Variants in MACROD2 observed in about 807,000 individuals in gnomAD.
The protein encoded by MACROD2 is mono-ADP ribosylhydrolase 2, also known as ADP-ribose glycohydrolase MACROD2.
Under a neutral mutation model 70.4 loss-of-function variants are expected in MACROD2, and 36 were observed. The observed-to-expected ratio is 0.51, with a 90% CI of 0.39 to 0.68. The LOEUF is 0.68. MACROD2 is among the 30% of genes least tolerant of loss of function. MACROD2 has a pLI of 0.00. For synonymous variants in MACROD2, 172 were observed against 178.8 expected, an observed-to-expected ratio of 0.96 and a Z score of 0.30; for missense variants, 496 against 538.4, an observed-to-expected ratio of 0.92 and a Z score of 0.78.
chr20:14,844,359 C>CA (rs1053754534), intron 5 of MACROD2, among the ~76,000 whole-genome samples: 5 of 151,174 alleles, frequency 3.3e-5, no homozygotes, highest in East Asian at 2.0e-4. Context: ...ACTAAAAGTA[C>CA]AAAAAAAATT....
rs527672148 is a variant in MACROD2, at chr20:15,321,663, G to A, written c.540+91602G>A. Reference sequence around the variant, plus strand: ...GATTCTATTAGTTATAGATTGGAAAGTGTTTGTCATATACATTAATTTTTG... The same window carrying A: ...GATTCTATTAGTTATAGATTGGAAAATGTTTGTCATATACATTAATTTTTG... On this transcript the variant is annotated intron_variant, in intron 6 of 17. Transcript: ENST00000684519. Among the ~76,000 whole-genome samples, 10 of 144,920 alleles carry A rather than the reference G, an allele frequency of 6.9e-5. 1 individual carries two copies. The highest frequency in any genetic ancestry group is 2.2e-4 in the African/African-American group (9 of 40,642).
chr20:15,617,973 G>T (rs1294117570), intron 8 of MACROD2, among the ~76,000 whole-genome samples: 2 of 152,136 alleles, frequency 1.3e-5, no homozygotes, highest in African/African-American at 4.8e-5. Context: ...GAACATGTGG[G>T]TGTAGAAGGG....
chr20:14,504,809 C>T (rs1048635876), intron 4 of MACROD2, among the ~76,000 whole-genome samples: 1 of 152,068 alleles, frequency 6.6e-6, no homozygotes, highest in Non-Finnish European at 1.5e-5. Flanking sequence ...TTATAAATAA[C>T]AGAAATAAAC....
At chr20:15,410,754 A>G (rs1192468429) in intron 6 of MACROD2, among the ~76,000 whole-genome samples, 1 of 152,112 alleles carries the variant, frequency 6.6e-6, no homozygotes, top group Non-Finnish European at 1.5e-5. Flanking sequence ...ATCTGCAAGC[A>G]CGCTTGCAGG....
At chr20:15,465,613 C>T (rs1038027456) in intron 7 of MACROD2, among the ~76,000 whole-genome samples, 6 of 152,252 alleles carry the variant, frequency 3.9e-5, no homozygotes, top group Admixed American at 2.0e-4. Flanking sequence ...CACAATCGGG[C>T]AGGGTGTTGG....
chr20:15,608,472 C>A (rs6034228), intron 8 of MACROD2, among the ~76,000 whole-genome samples: 1 of 152,176 alleles, frequency 6.6e-6, no homozygotes, highest in Non-Finnish European at 1.5e-5. Flanking sequence ...GTGCAAAGAC[C>A]TAGACCAACC....
At chr20:15,139,443 G>A (rs1018582296) in intron 5 of MACROD2, among the ~76,000 whole-genome samples, 1 of 152,072 alleles carries the variant, frequency 6.6e-6, no homozygotes, top group Non-Finnish European at 1.5e-5. Context: ...CTTAAATACC[G>A]CAGTGTGGTA....
chr20:14,207,756 T>C (rs1299862785), intron 3 of MACROD2, among the ~76,000 whole-genome samples: 1 of 152,220 alleles, frequency 6.6e-6, no homozygotes, highest in Non-Finnish European at 1.5e-5. Flanking sequence ...CTTTAGGCAG[T>C]AAGTCTCATT....
intron 5 of MACROD2, among the ~76,000 whole-genome samples, chr20:14,721,750 AT>A (rs2071472628): frequency 6.6e-6 from 1 of 152,176 alleles, no homozygotes; most frequent in African/African-American, 2.4e-5. Context: ...ACTCTCCTAA[AT>A]TTAGATGAAA....
At chr20:15,715,984 G>A (rs887090048) in intron 8 of MACROD2, among the ~76,000 whole-genome samples, 4 of 152,092 alleles carry the variant, frequency 2.6e-5, no homozygotes, top group African/African-American at 7.2e-5. Context: ...CCCCTTCACA[G>A]TAGGTTGGCA....
At chr20:14,172,714 T>C (rs938311347) in intron 3 of MACROD2, among the ~76,000 whole-genome samples, 1 of 152,194 alleles carries the variant, frequency 6.6e-6, no homozygotes, top group African/African-American at 2.4e-5. Context: ...CTGAATACCT[T>C]GGTTTTTTTC....
At chr20:15,219,299 G>A (rs754232956) in intron 5 of MACROD2, among the ~76,000 whole-genome samples, 13 of 152,206 alleles carry the variant, frequency 8.5e-5, no homozygotes, top group Non-Finnish European at 1.5e-4. Flanking sequence ...CTAGTGCACA[G>A]TAAACCCATT....
At chr20:14,601,338 G>A (rs747313385) in intron 4 of MACROD2, among the ~76,000 whole-genome samples, 7 of 152,128 alleles carry the variant, frequency 4.6e-5, no homozygotes, top group Non-Finnish European at 1.0e-4. Flanking sequence ...TCACAATAGG[G>A]TTAGTGCTCC....
intron 5 of MACROD2, among the ~76,000 whole-genome samples, chr20:14,989,448 C>A (rs1190958512): frequency 6.6e-6 from 1 of 152,062 alleles, no homozygotes; most frequent in Non-Finnish European, 1.5e-5. Context: ...TATTACAAAG[C>A]AAAAAGTACG....
intron 5 of MACROD2, among the ~76,000 whole-genome samples, chr20:14,754,881 A>G (rs1006795467): frequency 1.5e-4 from 23 of 151,604 alleles, no homozygotes; most frequent in African/African-American, 5.3e-4. Context: ...CGAATACCCA[A>G]CTTGAACAAA....
intron 8 of MACROD2, among the ~76,000 whole-genome samples, chr20:15,511,173 G>T (rs1428472982): frequency 1.3e-5 from 2 of 152,196 alleles, no homozygotes; most frequent in Non-Finnish European, 2.9e-5. Context: ...ACAGGAAGGA[G>T]CTATGCACGC....
chr20:15,436,789 T>C (rs930579247), intron 7 of MACROD2, among the ~76,000 whole-genome samples: 75 of 152,088 alleles, frequency 4.9e-4, no homozygotes, highest in African/African-American at 1.7e-3. Context: ...AAAAGAAAAA[T>C]TTTACAAAGC....
intron 5 of MACROD2, among the ~76,000 whole-genome samples, chr20:15,200,357 A>G (rs77500421): frequency 0.029 from 4,490 of 152,276 alleles, 218 homozygotes; most frequent in African/African-American, 0.1. Context: ...TTTCTTTGCA[A>G]TGTTTGACCC....
At chr20:15,448,613 A>G (rs2046600731) in intron 7 of MACROD2, among the ~76,000 whole-genome samples, 1 of 152,174 alleles carries the variant, frequency 6.6e-6, no homozygotes, top group Admixed American at 6.5e-5. Context: ...TAAAAAAAGA[A>G]GCACTATGGT....
Sources: gnomAD v4.1 joint callset for allele counts (sites outside exome capture counted in the v4.1 genomes callset) on GRCh38, gnomAD v4.1.1 for gene constraint, MANE v1.5 for transcripts, NCBI Gene and HGNC (gene_info 2026-07-23, HGNC 2026-07-21) for gene names.